Variants in FMNL2 observed in about 807,000 individuals in gnomAD.
FMNL2 encodes formin-like protein 2.
In FMNL2, 51 loss-of-function variants were observed where a neutral mutation model predicts 130.2. That is an observed-to-expected ratio of 0.39 (90% CI 0.31 to 0.49). The LOEUF is 0.49. FMNL2 is among the 20% of genes least tolerant of loss of function. The pLI is 0.85. For synonymous variants in FMNL2, 465 were observed against 467.1 expected (o/e 1.00, Z 0.06); for missense variants, 977 against 1,316.2 (o/e 0.74, Z 3.99).
intron 1 of FMNL2, among the ~76,000 whole-genome samples, chr2:152,488,646 GCACA>G (rs137916030): frequency 6.6e-6 from 1 of 152,020 alleles, no homozygotes; most frequent in Non-Finnish European, 1.5e-5. Context: ...ATGTATATAT[GCACA>G]CACACACATA....
intron 1 of FMNL2, among the ~76,000 whole-genome samples, chr2:152,388,849 G>C (rs751866888): frequency 3.7e-4 from 56 of 152,190 alleles, no homozygotes; most frequent in Non-Finnish European, 3.7e-4. Context: ...GGTCACATCT[G>C]TGGATGTCTA....
At chr2:152,541,946 C>T (rs1303946969) in intron 2 of FMNL2, among the ~76,000 whole-genome samples, 1 of 152,076 alleles carries the variant, frequency 6.6e-6, no homozygotes, top group Non-Finnish European at 1.5e-5. Flanking sequence ...CTGCTTTGGA[C>T]ATTAGGGTCT....
Position 152,619,666 on chromosome 2 carries a change from T to A in FMNL2, c.1785T>A (p.Pro595=). The A allele has an allele frequency of 6.2e-7, 1 of 1,605,946 alleles. No individual in the cohort carries two copies. The highest frequency in any genetic ancestry group is 8.5e-7 in the Non-Finnish European group (1 of 1,176,376). The part of the protein sequence containing the change: ...PPLAPPLPSA[P]PLPGTSSPTV... The stretch of plus-strand genomic sequence containing the variant: ...TAGCACCTCCCCTTCCCTCTGCACC[T>A]CCGCTGCCTGGAACATCTTCACCCA... Residue 595 remains proline (P), a synonymous_variant, in exon 15 of 26, where the codon CCT becomes CCA. Transcript: ENST00000288670.
chr2:152,411,203 T>A (rs1686272600), intron 1 of FMNL2, among the ~76,000 whole-genome samples: 1 of 152,186 alleles, frequency 6.6e-6, no homozygotes, highest in African/African-American at 2.4e-5. Context: ...CAGATAAGAT[T>A]TTTGATAAGA....
intron 1 of FMNL2, among the ~76,000 whole-genome samples, chr2:152,420,676 G>C (rs957717146): frequency 6.6e-6 from 1 of 152,140 alleles, no homozygotes; most frequent in Non-Finnish European, 1.5e-5. Flanking sequence ...CTGCCTCCCA[G>C]GTCATCCCAA....
intron 11 of FMNL2, among the ~76,000 whole-genome samples, chr2:152,613,509 C>T (rs1005733716): frequency 3.9e-5 from 6 of 152,214 alleles, no homozygotes; most frequent in Non-Finnish European, 8.8e-5. Flanking sequence ...ACAGAACACT[C>T]TCTCTTCAGA....
intron 1 of FMNL2, among the ~76,000 whole-genome samples, chr2:152,483,694 G>A (rs551419675): frequency 6.6e-6 from 1 of 152,324 alleles, no homozygotes; most frequent in Non-Finnish European, 1.5e-5. Context: ...TCATTACTGT[G>A]TCCACGCTCT....
At chr2:152,480,886 G>C (rs1381733479) in intron 1 of FMNL2, among the ~76,000 whole-genome samples, 1 of 152,072 alleles carries the variant, frequency 6.6e-6, no homozygotes, top group Non-Finnish European at 1.5e-5. Flanking sequence ...ATGAAGCCTG[G>C]TGTTTTCCTC....
chr2:152,493,074 G>A (rs1249219596), intron 1 of FMNL2, among the ~76,000 whole-genome samples: 1 of 152,110 alleles, frequency 6.6e-6, no homozygotes, highest in Non-Finnish European at 1.5e-5. Flanking sequence ...GAAATCCCAA[G>A]GGGTACATCA....
intron 1 of FMNL2, among the ~76,000 whole-genome samples, chr2:152,419,151 C>CT (rs921397643): frequency 9.9e-6 from 1 of 100,832 alleles, no homozygotes; most frequent in East Asian, 2.2e-4. Flanking sequence ...TTTCAAAGGA[C>CT]TTTTTTTGTT....
At chr2:152,337,251 A>G (rs1214515046) in intron 1 of FMNL2, among the ~76,000 whole-genome samples, 1 of 152,198 alleles carries the variant, frequency 6.6e-6, no homozygotes, top group Non-Finnish European at 1.5e-5. Flanking sequence ...GCCTGGGTGC[A>G]TACTTGACCT....
chr2:152,375,377 C>A (rs926255419), intron 1 of FMNL2, among the ~76,000 whole-genome samples: 1 of 152,244 alleles, frequency 6.6e-6, no homozygotes, highest in Admixed American at 6.5e-5. Flanking sequence ...CTTGAATGCT[C>A]ATGCCTGGTA....
At chr2:152,642,346 ATAGGT>A (rs747442856) in intron 25 of FMNL2, among the ~76,000 whole-genome samples, 10 of 152,214 alleles carry the variant, frequency 6.6e-5, no homozygotes, top group Non-Finnish European at 1.3e-4. Flanking sequence ...AATTAAATAC[ATAGGT>A]TAGGTGATTA....
chr2:152,609,713 A>G (rs1027837308), intron 10 of FMNL2, among the ~76,000 whole-genome samples: 13 of 152,124 alleles, frequency 8.5e-5, no homozygotes, highest in Non-Finnish European at 1.8e-4. Context: ...TCTTCCAAAG[A>G]TATCCAATGT....
At chr2:152,378,714 C>A (rs1048715889) in intron 1 of FMNL2, among the ~76,000 whole-genome samples, 4 of 152,134 alleles carry the variant, frequency 2.6e-5, no homozygotes, top group African/African-American at 9.7e-5. Flanking sequence ...GGTCCATGAC[C>A]TGTCTGCCTT....
At chr2:152,557,757 A>G (rs1695306418) in intron 4 of FMNL2, among the ~76,000 whole-genome samples, 1 of 152,226 alleles carries the variant, frequency 6.6e-6, no homozygotes, top group Non-Finnish European at 1.5e-5. Context: ...TCATGTCCAT[A>G]GCTGGTCAGA....
chr2:152,357,805 G>A (rs1682921421), intron 1 of FMNL2, among the ~76,000 whole-genome samples: 1 of 152,168 alleles, frequency 6.6e-6, no homozygotes, highest in Admixed American at 6.5e-5. Context: ...GTGTATTTCC[G>A]CTAGAACTAA....
At chr2:152,425,659 C>T (rs931122054) in intron 1 of FMNL2, among the ~76,000 whole-genome samples, 5 of 152,186 alleles carry the variant, frequency 3.3e-5, no homozygotes, top group Admixed American at 6.5e-5. Flanking sequence ...GTTCTACAGT[C>T]GTGTTTATAC....
intron 1 of FMNL2, among the ~76,000 whole-genome samples, chr2:152,399,185 C>T (rs1355858225): frequency 2.0e-5 from 3 of 152,196 alleles, no homozygotes; most frequent in Admixed American, 6.5e-5. Flanking sequence ...CTTCCTCTGC[C>T]CAGGGTTGCC....
Sources: gnomAD v4.1 joint callset for allele counts (sites outside exome capture counted in the v4.1 genomes callset) on GRCh38, gnomAD v4.1.1 for gene constraint, MANE v1.5 for transcripts, NCBI Gene and HGNC (gene_info 2026-07-23, HGNC 2026-07-21) for gene names.